CFAP276: variants seen among roughly 807,000 people sequenced by gnomAD.
CFAP276 encodes cilia and flagella associated protein 276.
the CFAP276 span, chr1:109,112,624 T>G: frequency 6.4e-7 from 1 of 1,550,480 alleles, no homozygotes; most frequent in African/African-American, 1.4e-5. Flanking sequence ...TTCTCCTAAG[T>G]AGGAATCATC....
chr1:109,113,170 G>A, the CFAP276 span, among the ~76,000 whole-genome samples: 2 of 152,010 alleles, frequency 1.3e-5, no homozygotes, highest in Non-Finnish European at 2.9e-5. Flanking sequence ...CGGGCGGATC[G>A]CTTAAGCCCA....
At chr1:109,113,495 C>T in the CFAP276 span, 1 of 707,450 alleles carries the variant, frequency 1.4e-6, no homozygotes, top group South Asian at 1.8e-5. Flanking sequence ...TGGGAAATTG[C>T]GGCTAAGGCA....
At chr1:109,108,302 C>T in the CFAP276 span, among the ~76,000 whole-genome samples, 1 of 152,074 alleles carries the variant, frequency 6.6e-6, no homozygotes, top group Non-Finnish European at 1.5e-5. Context: ...GCCACTATGC[C>T]CGGCTAATTT....
the CFAP276 span, among the ~76,000 whole-genome samples, chr1:109,112,390 A>G: frequency 5.9e-5 from 9 of 152,362 alleles, no homozygotes; most frequent in Middle Eastern, 3.4e-3. Flanking sequence ...CCTCTAGACT[A>G]GAACTCTACT....
At chr1:109,112,671 G>T in the CFAP276 span, 4 of 1,550,394 alleles carry the variant, frequency 2.6e-6, no homozygotes, top group Non-Finnish European at 3.5e-6. Flanking sequence ...GGTCCCGGGT[G>T]GGAGGCATGG....
the CFAP276 span, chr1:109,106,613 G>C: frequency 2.4e-5 from 38 of 1,613,880 alleles, no homozygotes; most frequent in African/African-American, 3.6e-4. Flanking sequence ...AAAGTGATGG[G>C]TGGAGTGGGA....
chr1:109,106,142 T>C, the CFAP276 span: 1 of 1,538,708 alleles, frequency 6.5e-7, no homozygotes, highest in African/African-American at 1.4e-5. Flanking sequence ...TTTCAGATCG[T>C]TGGCCTTTTC....
the CFAP276 span, among the ~76,000 whole-genome samples, chr1:109,113,469 G>GAGAGAGAGAGAGAGAGAGAGAGAGAGA: frequency 1.3e-5 from 1 of 74,936 alleles, no homozygotes; most frequent in African/African-American, 7.6e-5. Context: ...AGAGAGAGAG[G>GAGAGAGAGAGAGAGAGAGAGAGAGAGA]CCCACGTGCG....
At chr1:109,106,728 A>C in the CFAP276 span, 1 of 1,521,116 alleles carries the variant, frequency 6.6e-7, no homozygotes, top group East Asian at 2.3e-5. Flanking sequence ...AAGGCAAGGT[A>C]GTTGAATGTG....
the CFAP276 span, chr1:109,106,772 A>G: frequency 7.7e-7 from 1 of 1,290,374 alleles, no homozygotes; most frequent in Non-Finnish European, 1.1e-6. Context: ...GACTCTTTTT[A>G]CCTCTGTGGG....
chr1:109,107,223 C>CCCAAGAGAGCCT, the CFAP276 span: 1 of 837,462 alleles, frequency 1.2e-6, no homozygotes, highest in Non-Finnish European at 2.0e-6. Context: ...ATAGTGAAGG[C>CCCAAGAGAGCCT]TCTCTTGGGC....
the CFAP276 span, chr1:109,106,400 A>T: frequency 8.4e-7 from 1 of 1,187,382 alleles, no homozygotes; most frequent in Non-Finnish European, 1.2e-6. Context: ...TTGCCAACTT[A>T]ATCATTGCTT....
chr1:109,111,856 C>A, the CFAP276 span, among the ~76,000 whole-genome samples: 1 of 152,246 alleles, frequency 6.6e-6, no homozygotes, highest in Admixed American at 6.5e-5. Flanking sequence ...GCACACAACT[C>A]TGTCACAACA....
the CFAP276 span, among the ~76,000 whole-genome samples, chr1:109,112,095 C>G: frequency 1.3e-5 from 2 of 152,216 alleles, no homozygotes; most frequent in African/African-American, 4.8e-5. Flanking sequence ...ATCCCAATCA[C>G]TTCTACCAGA....
the CFAP276 span, chr1:109,106,676 G>A: frequency 6.2e-7 from 1 of 1,611,844 alleles, no homozygotes; most frequent in Non-Finnish European, 8.5e-7. Context: ...GAAGGCATAG[G>A]GAAGAAAAGT....
At chr1:109,107,891 A>G in the CFAP276 span, 2 of 1,548,500 alleles carry the variant, frequency 1.3e-6, no homozygotes. Context: ...AAACGGCTGC[A>G]AAGAGGAATA....
chr1:109,106,834 G>T, the CFAP276 span: 1 of 894,410 alleles, frequency 1.1e-6, no homozygotes, highest in Non-Finnish European at 1.7e-6. Context: ...GGAGATTTCT[G>T]TTCATCTTAG....
chr1:109,113,455 A>AGG, the CFAP276 span, among the ~76,000 whole-genome samples: 1 of 141,500 alleles, frequency 7.1e-6, no homozygotes, highest in African/African-American at 2.6e-5. Flanking sequence ...AGAGAGAGAG[A>AGG]GAGAGAGAGA....
At chr1:109,112,734 A>G in the CFAP276 span, 5 of 1,540,298 alleles carry the variant, frequency 3.2e-6, no homozygotes, top group Non-Finnish European at 3.5e-6. Context: ...GCCGCAGCAC[A>G]GCCTCACTGG....
Sources: gnomAD v4.1 joint callset for allele counts (sites outside exome capture counted in the v4.1 genomes callset) on GRCh38, gnomAD v4.1.1 for gene constraint, MANE v1.5 for transcripts, NCBI Gene and HGNC (gene_info 2026-07-23, HGNC 2026-07-21) for gene names.